Variants in DENND1A observed in about 807,000 individuals in gnomAD.
DENND1A encodes DENN domain containing 1A, also known as DENN domain-containing protein 1A.
Under a neutral mutation model 113.7 loss-of-function variants are expected in DENND1A, and 51 were observed. The observed-to-expected ratio is 0.45, with a 90% CI of 0.36 to 0.57. The LOEUF (loss-of-function observed/expected upper bound fraction) is 0.57. Ranked by LOEUF, DENND1A falls within the 20% of genes least tolerant of loss-of-function variation. The probability of loss-of-function intolerance (pLI) is 0.00; values close to 1 mark genes in which losing one functional copy is unlikely to be tolerated. For synonymous variants in DENND1A, 565 were observed against 570.8 expected, an observed-to-expected ratio of 0.99 and a Z score of 0.14; for missense variants, 1,258 against 1,395.9, an observed-to-expected ratio of 0.90 and a Z score of 1.57.
chr9:123,909,192 C>T lies in DENND1A; in HGVS notation c.17+20697G>A, dbSNP rs1327709092. 2.6e-5 allele frequency among the ~76,000 whole-genome samples: 4 copies of T among 150,972 alleles called. No homozygotes were observed. The East Asian group carries it at 7.8e-4, about 29-fold the overall frequency. On this transcript the variant is annotated intron_variant, in intron 1 of 23. Transcript: ENST00000394215. ...GAAGGGGAATATCACACTATGGGGC[C>T]TGTGGTGGGGTGGGGGGAGTGGGAA...
intron 5 of DENND1A, among the ~76,000 whole-genome samples, chr9:123,716,788 C>G (rs764285985): frequency 3.3e-5 from 5 of 152,152 alleles, no homozygotes. Context: ...CAAACAGTAG[C>G]CACTTTAAAT....
At chr9:123,644,208 C>G (rs1276366413) in intron 9 of DENND1A, among the ~76,000 whole-genome samples, 2 of 151,930 alleles carry the variant, frequency 1.3e-5, no homozygotes, top group Non-Finnish European at 2.9e-5. Context: ...AGCATAGTGC[C>G]TGTCATATAG....
chr9:123,872,045 C>A (rs1214859332), intron 2 of DENND1A, among the ~76,000 whole-genome samples: 1 of 152,166 alleles, frequency 6.6e-6, no homozygotes, highest in Non-Finnish European at 1.5e-5. Context: ...CCTTTGGTCG[C>A]ACAGACTGAA....
At chr9:123,609,525 G>A (rs1362638725) in intron 10 of DENND1A, 44 bp from the exon 11 acceptor site, 8 of 1,595,682 alleles carry the variant, frequency 5.0e-6, no homozygotes, top group South Asian at 4.6e-5. Context: ...AATGTCTGTT[G>A]CTTCTGACAG....
At chr9:123,722,992 G>C (rs569859712) in intron 5 of DENND1A, among the ~76,000 whole-genome samples, 1 of 152,350 alleles carries the variant, frequency 6.6e-6, no homozygotes, top group African/African-American at 2.4e-5. Flanking sequence ...AAAAGCTGAA[G>C]ATACTCAATA....
chr9:123,925,030 G>A (rs1856861552), intron 1 of DENND1A, among the ~76,000 whole-genome samples: 1 of 152,134 alleles, frequency 6.6e-6, no homozygotes, highest in South Asian at 2.1e-4. Context: ...CATTTTCTCT[G>A]AGGCAACTCA....
chr9:123,842,625 T>C (rs925335201), intron 2 of DENND1A, among the ~76,000 whole-genome samples: 4 of 152,200 alleles, frequency 2.6e-5, no homozygotes, highest in African/African-American at 9.6e-5. Context: ...ATTGAATTAC[T>C]AATTTGAAAA....
At chr9:123,523,902 T>C (rs2808405) in intron 13 of DENND1A, among the ~76,000 whole-genome samples, 145,225 of 152,280 alleles carry the variant, frequency 0.95, 69,631 homozygotes, top group Middle Eastern at 1. Context: ...GAGGTGATCA[T>C]GGGCAGAGGA....
intron 13 of DENND1A, among the ~76,000 whole-genome samples, chr9:123,500,127 CTAAAA>C (rs1479207663): frequency 6.6e-6 from 1 of 152,216 alleles, no homozygotes; most frequent in Non-Finnish European, 1.5e-5. Context: ...ACCCCTCAAC[CTAAAA>C]TAAAAGTTAA....
chr9:123,433,776 C>A (rs1564479087), intron 19 of DENND1A, among the ~76,000 whole-genome samples: 3 of 152,196 alleles, frequency 2.0e-5, no homozygotes, highest in African/African-American at 7.2e-5. Context: ...TATCCTGTTG[C>A]TTGCTTCGCT....
intron 5 of DENND1A, among the ~76,000 whole-genome samples, chr9:123,743,471 C>G (rs2069194780): frequency 6.6e-6 from 1 of 151,832 alleles, no homozygotes; most frequent in African/African-American, 2.4e-5. Context: ...GTGGCTCACT[C>G]CTGTAATCCC....
At chr9:123,802,705 CTT>C (rs559650822) in intron 2 of DENND1A, among the ~76,000 whole-genome samples, 22 of 144,520 alleles carry the variant, frequency 1.5e-4, no homozygotes, top group South Asian at 2.2e-4. Context: ...TCACTACTGC[CTT>C]TTTTTTTTTT....
chr9:123,711,662 G>A (rs936485607), intron 5 of DENND1A, among the ~76,000 whole-genome samples: 4 of 151,334 alleles, frequency 2.6e-5, no homozygotes, highest in African/African-American at 9.7e-5. Flanking sequence ...CTGGCTCTCA[G>A]GGGCTTCAAT....
intron 2 of DENND1A, among the ~76,000 whole-genome samples, chr9:123,838,783 A>G (rs557035410): frequency 2.6e-5 from 4 of 152,318 alleles, no homozygotes; most frequent in East Asian, 3.9e-4. Flanking sequence ...TACCTAGGAA[A>G]ACCTCATTCT....
rs375535777 is a variant in DENND1A at position 123,848,228 on chromosome 9, TAAAAAAAAA to T, written c.88+30714_88+30722del. Among the ~76,000 whole-genome samples the T allele has an allele frequency of 1.5e-3, 93 of 60,520 alleles. 1 individual carries two copies. The highest frequency in any genetic ancestry group is 0.013 in the Middle Eastern group (1 of 76). The allele number at this position is 60,520 out of a possible 152,430, so 39.7% of individuals were successfully genotyped here. A position where few individuals can be genotyped will look rare whatever the true frequency, so the allele number is the denominator to read the frequency against. On this transcript the variant is annotated intron_variant, in intron 2 of 23. Coordinates refer to ENST00000394215, the MANE Select transcript of DENND1A (RefSeq NM_001352964.2). ...TTATTGCACTTCAAAGATACTGCTTTAAAAAAAAAAAAAAAAAAAAAAAAAAAAACAAAT... is the reference window on the plus strand; with the variant it reads ...TTATTGCACTTCAAAGATACTGCTTTAAAAAAAAAAAAAAAAAAAACAAAT...
intron 12 of DENND1A, among the ~76,000 whole-genome samples, chr9:123,568,288 G>A (rs1278367507): frequency 6.6e-6 from 1 of 152,126 alleles, no homozygotes; most frequent in Non-Finnish European, 1.5e-5. Flanking sequence ...AAGTTACTTG[G>A]CCCCTTTTCT....
At chr9:123,710,315 T>C (rs1224259799) in intron 5 of DENND1A, among the ~76,000 whole-genome samples, 1 of 152,184 alleles carries the variant, frequency 6.6e-6, no homozygotes, top group Admixed American at 6.5e-5. Context: ...ACCAACAAAA[T>C]TTTGCAAAAA....
intron 19 of DENND1A, among the ~76,000 whole-genome samples, chr9:123,416,563 C>T (rs1588423684): frequency 6.6e-6 from 1 of 152,226 alleles, no homozygotes; most frequent in African/African-American, 2.4e-5. Flanking sequence ...AATGTGGCTA[C>T]ACAGACTGCT....
chr9:123,599,953 TAAAC>T (rs913633774), intron 11 of DENND1A, among the ~76,000 whole-genome samples: 2 of 152,124 alleles, frequency 1.3e-5, no homozygotes, highest in African/African-American at 4.8e-5. Context: ...AGCATGGTGT[TAAAC>T]AAAACCACAT....
Sources: allele counts gnomAD v4.1 joint callset (sites outside exome capture counted in the v4.1 genomes callset), GRCh38; gene constraint gnomAD v4.1.1; transcripts MANE v1.5; gene names NCBI Gene and HGNC (gene_info 2026-07-23, HGNC 2026-07-21).